IL6R: variants seen among roughly 807,000 people sequenced by gnomAD.
The protein encoded by IL6R is interleukin-6 receptor subunit alpha.
IL6R carries 38 observed loss-of-function variants against 48.3 expected under a neutral mutation model. The ratio of observed to expected loss-of-function variants is 0.79; its 90% CI spans 0.61 to 1.03. The LOEUF (loss-of-function observed/expected upper bound fraction) is 1.03, where lower values mean the gene tolerates loss of function less well. Ranked by LOEUF, IL6R falls within the 50% of genes least tolerant of loss-of-function variation. The pLI is 0.00. For missense variants in IL6R, 534 were observed against 618.3 expected (o/e 0.86, Z 1.45); for synonymous variants, 264 against 256.2 (o/e 1.03, Z -0.29).
At chr1:154,408,788 G>C (rs1687872418) in intron 1 of IL6R, among the ~76,000 whole-genome samples, 1 of 152,154 alleles carries the variant, frequency 6.6e-6, no homozygotes, top group African/African-American at 2.4e-5. Context: ...TCCAGTCAAT[G>C]AATCTAGTCT....
At chr1:154,408,210 G>A (rs1687838222) in intron 1 of IL6R, among the ~76,000 whole-genome samples, 1 of 152,198 alleles carries the variant, frequency 6.6e-6, no homozygotes, top group African/African-American at 2.4e-5. Flanking sequence ...TGATTCTTAG[G>A]CACTGTCAGG....
intron 1 of IL6R, among the ~76,000 whole-genome samples, chr1:154,427,450 G>A (rs947146248): frequency 6.6e-6 from 1 of 152,176 alleles, no homozygotes; most frequent in Non-Finnish European, 1.5e-5. Context: ...CTGGCTGCAC[G>A]GTGACAATTC....
At chr1:154,418,582 T>C (rs1387485971) in intron 1 of IL6R, 1 of 193,478 alleles carries the variant, frequency 5.2e-6, no homozygotes, top group Admixed American at 6.5e-5. Flanking sequence ...TCAGAGAAGG[T>C]TGCTGGGCCT....
rs149920458 is a variant in IL6R at position 154,451,794 on chromosome 1, C to A, written c.1066+1814C>A. 4.1e-4 allele frequency among the ~76,000 whole-genome samples: 62 copies of A among 152,102 alleles called. No homozygotes were observed. The East Asian group carries it at 0.011, about 27-fold the overall frequency. Reference sequence around the variant, plus strand: ...CAGGTGATCTGCCTGCCTCGGTCTCCCAAAGTGCTGGGATTACAGGTGTGA... The same window carrying A: ...CAGGTGATCTGCCTGCCTCGGTCTCACAAAGTGCTGGGATTACAGGTGTGA... On this transcript the variant is annotated intron_variant, in intron 8 of 9. Transcript: ENST00000368485.
At chr1:154,438,250 A>G (rs958953773) in intron 6 of IL6R, among the ~76,000 whole-genome samples, 1 of 151,366 alleles carries the variant, frequency 6.6e-6, no homozygotes, top group Non-Finnish European at 1.5e-5. Flanking sequence ...GACATTATCT[A>G]TCAACACCCT....
chr1:154,438,665 C>T (rs565975154), intron 6 of IL6R, among the ~76,000 whole-genome samples: 2 of 152,270 alleles, frequency 1.3e-5, no homozygotes, highest in East Asian at 1.9e-4. Context: ...GCACATTCTT[C>T]CCCCAGATTG....
intron 1 of IL6R, among the ~76,000 whole-genome samples, chr1:154,420,331 T>A (rs887260344): frequency 2.0e-5 from 3 of 151,774 alleles, no homozygotes; most frequent in African/African-American, 2.4e-5. Flanking sequence ...GATCTACAGG[T>A]CACAGTCTGA....
chr1:154,418,359 A>G, intron 1 of IL6R: 1 of 972,002 alleles, frequency 1.0e-6, no homozygotes, highest in Non-Finnish European at 1.2e-6. Context: ...ATGGGTCCAA[A>G]GGAGCCTCCC....
chr1:154,437,079 TTTGTTG>T (rs930043473), intron 6 of IL6R, among the ~76,000 whole-genome samples: 67 of 152,036 alleles, frequency 4.4e-4, no homozygotes, highest in African/African-American at 1.6e-3. Context: ...TCCATGGAAA[TTTGTTG>T]TTGTTGTTGT....
At chr1:154,411,829 C>G (rs924826881) in intron 1 of IL6R, among the ~76,000 whole-genome samples, 1 of 152,154 alleles carries the variant, frequency 6.6e-6, no homozygotes, top group African/African-American at 2.4e-5. Flanking sequence ...GACAGCAACA[C>G]TGCACTCCAA....
chr1:154,426,888 C>A (rs1689007230), intron 1 of IL6R, among the ~76,000 whole-genome samples: 1 of 151,796 alleles, frequency 6.6e-6, no homozygotes, highest in South Asian at 2.1e-4. Context: ...CCTTATTGCC[C>A]TCAGTGGACT....
intron 1 of IL6R, among the ~76,000 whole-genome samples, chr1:154,412,412 C>T (rs1283052683): frequency 6.6e-6 from 1 of 152,026 alleles, no homozygotes; most frequent in East Asian, 1.9e-4. Flanking sequence ...CCTGCCACCA[C>T]ACCCGGCTAA....
rs145241527 is a variant in IL6R at position 154,435,450 on chromosome 1, G to A, written c.807+294G>A. On this transcript the variant is annotated intron_variant, in intron 5 of 9. Coordinates refer to ENST00000368485, the MANE Select transcript of IL6R (RefSeq NM_000565.4). ...CTTGAACCTGGGAGGTGGAGGTTGC[G>A]GTGAGCAGAGATCACACCACTGCAC... Among the ~76,000 whole-genome samples, 299 of 151,458 alleles carry A rather than the reference G, an allele frequency of 2.0e-3. 1 individual carries two copies. The highest frequency in any genetic ancestry group is 7.0e-3 in the African/African-American group (289 of 41,168).
chr1:154,449,761 A>G lies in IL6R; in HGVS notation c.997-150A>G. On this transcript the variant is annotated intron_variant, in intron 7 of 9. Transcript: ENST00000368485. Reference sequence around the variant, plus strand: ...TAGAAAAAATGCAAATAATAGTATTATTGATTTTTCCACTGTTATGAATGA... The same window carrying G: ...TAGAAAAAATGCAAATAATAGTATTGTTGATTTTTCCACTGTTATGAATGA... 6 of 639,508 alleles carry G rather than the reference A, an allele frequency of 9.4e-6. No homozygotes were observed. The Middle Eastern group carries it at 1.3e-3, about 138-fold the overall frequency. The allele number at this position is 639,508 out of a possible 1,614,324, so 39.6% of individuals were successfully genotyped here.
chr1:154,459,545 G>A (rs1691121107), intron 9 of IL6R, among the ~76,000 whole-genome samples: 1 of 152,130 alleles, frequency 6.6e-6, no homozygotes, highest in East Asian at 1.9e-4. Context: ...AAGTGTGAGA[G>A]GTTGACTTCA....
At chr1:154,431,205 G>A (rs1689276252) in intron 3 of IL6R, among the ~76,000 whole-genome samples, 1 of 152,200 alleles carries the variant, frequency 6.6e-6, no homozygotes, top group Non-Finnish European at 1.5e-5. Context: ...CCGGAAGACG[G>A]CTTAACGTGG....
At chr1:154,444,218 T>C (rs1385828206) in intron 6 of IL6R, among the ~76,000 whole-genome samples, 2 of 151,936 alleles carry the variant, frequency 1.3e-5, no homozygotes, top group Non-Finnish European at 2.9e-5. Flanking sequence ...CTTTTTTTTT[T>C]TTTTTTTGAA....
At chr1:154,446,185 G>A (rs1690217462) in intron 6 of IL6R, among the ~76,000 whole-genome samples, 1 of 152,160 alleles carries the variant, frequency 6.6e-6, no homozygotes, top group African/African-American at 2.4e-5. Flanking sequence ...GAACGCAAAG[G>A]AACAATAAAC....
intron 1 of IL6R, among the ~76,000 whole-genome samples, chr1:154,417,594 T>G (rs1158147137): frequency 6.6e-6 from 1 of 152,132 alleles, no homozygotes; most frequent in Non-Finnish European, 1.5e-5. Flanking sequence ...TCCTTTCTTT[T>G]TTTGAGACAG....
Sources: allele counts gnomAD v4.1 joint callset (sites outside exome capture counted in the v4.1 genomes callset), GRCh38; gene constraint gnomAD v4.1.1; transcripts MANE v1.5; gene names NCBI Gene and HGNC (gene_info 2026-07-23, HGNC 2026-07-21).